Variants in RPS6KA2 observed in about 807,000 individuals in gnomAD.
The protein encoded by RPS6KA2 is ribosomal protein S6 kinase alpha-2.
In RPS6KA2, 42 loss-of-function variants were observed where a neutral mutation model predicts 91.8. The observed-to-expected ratio is 0.46, with a 90% CI of 0.36 to 0.59. The LOEUF is 0.59. Ranked by LOEUF, RPS6KA2 falls within the 20% of genes least tolerant of loss-of-function variation. RPS6KA2 has a pLI of 0.00. For missense variants in RPS6KA2, 798 were observed against 978.5 expected (o/e 0.82, Z 2.46); for synonymous variants, 414 against 393.6 (o/e 1.05, Z -0.61).
At chr6:166,682,683 C>A (rs1031251514) in intron 2 of RPS6KA2, among the ~76,000 whole-genome samples, 1 of 152,174 alleles carries the variant, frequency 6.6e-6, no homozygotes. Flanking sequence ...ACAAAGAAAG[C>A]AAGGATTGCT....
At chr6:166,558,809 C>T (rs1434226343) in intron 1 of RPS6KA2, among the ~76,000 whole-genome samples, 2 of 152,186 alleles carry the variant, frequency 1.3e-5, no homozygotes, top group Admixed American at 6.5e-5. Flanking sequence ...CAAGTGCTGG[C>T]TGGACACGTG....
chr6:166,758,746 A>C (rs896084557), intron 2 of RPS6KA2, among the ~76,000 whole-genome samples: 1 of 152,272 alleles, frequency 6.6e-6, no homozygotes, highest in Non-Finnish European at 1.5e-5. Context: ...CTTGAAAAGA[A>C]GGAAGCAAAG....
chr6:166,655,994 G>A (rs925142054), intron 2 of RPS6KA2, among the ~76,000 whole-genome samples: 11 of 152,184 alleles, frequency 7.2e-5, no homozygotes, highest in Non-Finnish European at 1.3e-4. Flanking sequence ...GGCGCCCTGC[G>A]GTAGATACAC....
Position 166,700,950 on chromosome 6 carries a change from C to A in RPS6KA2, c.123+157250G>T, listed in dbSNP as rs1277338744. The A allele has an allele frequency of 8.9e-6, 6 of 677,448 alleles. No individual in the cohort carries two copies. The Admixed American group carries it at 1.5e-4, about 17-fold the overall frequency. 42.0% of individuals were successfully genotyped at this position (677,448 alleles called of 1,614,324 possible). ...ACACATTCTCACAGAGACAGGAGTT[C>A]AAAAGTTGCCTGGTCCTCAGAAACA... On this transcript the variant is annotated intron_variant, in intron 2 of 21. Coordinates refer to the RPS6KA2 transcript ENST00000503859.
At chr6:166,538,028 A>G (rs552830023) in intron 2 of RPS6KA2, among the ~76,000 whole-genome samples, 4 of 152,368 alleles carry the variant, frequency 2.6e-5, no homozygotes, top group Admixed American at 2.0e-4. Flanking sequence ...TTATTGCTGC[A>G]ATTTGAAGGT....
chr6:166,829,589 C>CAAAAA (rs57711560), intron 2 of RPS6KA2, among the ~76,000 whole-genome samples: 30 of 96,894 alleles, frequency 3.1e-4, no homozygotes, highest in African/African-American at 1.4e-3. Flanking sequence ...GACTCTGTCT[C>CAAAAA]AAAAAAAAAA....
intron 2 of RPS6KA2, among the ~76,000 whole-genome samples, chr6:166,690,558 C>T (rs958365277): frequency 2.0e-5 from 3 of 152,164 alleles, no homozygotes; most frequent in African/African-American, 7.2e-5. Context: ...CTCGAAGACA[C>T]GCGTCGGAAC....
At chr6:166,532,966 T>C (rs1783342653) in intron 2 of RPS6KA2, among the ~76,000 whole-genome samples, 1 of 152,086 alleles carries the variant, frequency 6.6e-6, no homozygotes, top group Non-Finnish European at 1.5e-5. Flanking sequence ...CACAAGCCCT[T>C]CTCCGGGCTC....
At chr6:166,754,001 G>A (rs138883617) in intron 2 of RPS6KA2, among the ~76,000 whole-genome samples, 146 of 152,198 alleles carry the variant, frequency 9.6e-4, no homozygotes, top group African/African-American at 3.0e-3. Context: ...CTCCTGTGCC[G>A]TCCGTCTTCC....
intron 2 of RPS6KA2, among the ~76,000 whole-genome samples, chr6:166,743,656 G>A (rs1012734564): frequency 2.0e-5 from 3 of 152,224 alleles, no homozygotes; most frequent in Admixed American, 6.5e-5. Context: ...ACACTGACAC[G>A]GGCATTTTAG....
At chr6:166,527,414 G>A (rs1481659622) in intron 3 of RPS6KA2, among the ~76,000 whole-genome samples, 4 of 152,160 alleles carry the variant, frequency 2.6e-5, no homozygotes, top group Middle Eastern at 3.2e-3. Context: ...AGAGCTTCCC[G>A]CATCCACTTG....
chr6:166,811,814 T>C (rs1779645744), intron 2 of RPS6KA2, among the ~76,000 whole-genome samples: 1 of 152,240 alleles, frequency 6.6e-6, no homozygotes, highest in African/African-American at 2.4e-5. Flanking sequence ...AATCAAGTTA[T>C]CATATACATA....
At chr6:166,718,407 C>T (rs1180755889) in intron 2 of RPS6KA2, among the ~76,000 whole-genome samples, 1 of 152,142 alleles carries the variant, frequency 6.6e-6, no homozygotes, top group African/African-American at 2.4e-5. Flanking sequence ...ACTAATCCAT[C>T]AGGAAGGCAG....
intron 1 of RPS6KA2, among the ~76,000 whole-genome samples, chr6:166,540,108 G>C (rs1035485023): frequency 6.6e-6 from 1 of 152,208 alleles, no homozygotes; most frequent in African/African-American, 2.4e-5. Context: ...GGAAGTGATA[G>C]AGGTGGGCTT....
chr6:166,571,086 T>C (rs954524255), intron 1 of RPS6KA2, among the ~76,000 whole-genome samples: 4 of 152,196 alleles, frequency 2.6e-5, no homozygotes, highest in South Asian at 2.1e-4. Context: ...GTCACAACAG[T>C]GCGGTGAGGA....
At chr6:166,631,959 A>G (rs1023153462), upstream of RPS6KA2, among the ~76,000 whole-genome samples, 9 of 151,750 alleles carry the variant, frequency 5.9e-5, no homozygotes, top group Middle Eastern at 3.4e-3. Flanking sequence ...TGAAATTCAG[A>G]CAGAGAGGCG....
intron 1 of RPS6KA2, among the ~76,000 whole-genome samples, chr6:166,601,096 C>A (rs748755673): frequency 2.0e-5 from 3 of 152,182 alleles, no homozygotes; most frequent in Non-Finnish European, 4.4e-5. Flanking sequence ...TATCTTAGAA[C>A]CTGACTGATG....
chr6:166,438,299 A>G lies in RPS6KA2; in HGVS notation c.1333-5809T>C, dbSNP rs563338352. 1.4e-4 allele frequency among the ~76,000 whole-genome samples: 22 copies of G among 152,308 alleles called. 1 individual carries two copies. In the South Asian group the frequency reaches 4.4e-3, roughly 30 times the overall value. On this transcript the variant is annotated intron_variant, in intron 14 of 20. Transcript: ENST00000265678. Reference sequence around the variant, plus strand: ...TCTTTTTTTGGTTGGCAAATTACACACACAGTGTGAAGATGGGCACAGAAA... The same window carrying G: ...TCTTTTTTTGGTTGGCAAATTACACGCACAGTGTGAAGATGGGCACAGAAA...
At chr6:166,681,163 C>T (rs718084) in intron 2 of RPS6KA2, among the ~76,000 whole-genome samples, 62,559 of 152,042 alleles carry the variant, frequency 0.41, 14,670 homozygotes, top group African/African-American at 0.65. Context: ...GTCCACCCCA[C>T]TGCGTTTAGA....
Sources: allele counts gnomAD v4.1 joint callset (sites outside exome capture counted in the v4.1 genomes callset), GRCh38; gene constraint gnomAD v4.1.1; transcripts MANE v1.5; gene names NCBI Gene and HGNC (gene_info 2026-07-23, HGNC 2026-07-21).